Variants in MTUS2 observed in about 807,000 individuals in gnomAD.
The protein encoded by MTUS2 is microtubule associated scaffold protein 2.
A neutral mutation model predicts 114.1 loss-of-function variants in MTUS2; 40 were observed. The ratio of observed to expected loss-of-function variants is 0.35; its 90% CI spans 0.27 to 0.46. The LOEUF is 0.46. MTUS2 is among the 20% of genes least tolerant of loss of function. The pLI is 1.00. For synonymous variants in MTUS2, 688 were observed against 672.0 expected (o/e 1.02, Z -0.37); for missense variants, 1,679 against 1,705.4 (o/e 0.98, Z 0.27).
rs150747238 is a variant in MTUS2 at position 28,850,852 on chromosome 13, T to C, written c.-243+11002T>C. The stretch of plus-strand genomic sequence containing the variant: ...TACAATCACTTGTTTTCTATTCATA[T>C]GAGATCATTGGGTAGAGAAAATTTA... On this transcript the variant is annotated intron_variant, in intron 2 of 15. Transcript: ENST00000612955. 5.0e-3 allele frequency among the ~76,000 whole-genome samples: 758 copies of C among 152,316 alleles called. 8 individuals are homozygous for C. Among genetic ancestry groups the C allele is most frequent in the Middle Eastern group, 6.8e-3 (2 of 294 alleles).
chr13:29,405,613 A>G (rs1258721912), intron 8 of MTUS2, among the ~76,000 whole-genome samples: 1 of 152,164 alleles, frequency 6.6e-6, no homozygotes, highest in Non-Finnish European at 1.5e-5. Context: ...CACGTTTGCC[A>G]TGGCAGTGGG....
chr13:29,088,009 A>C (rs940382153), intron 4 of MTUS2, among the ~76,000 whole-genome samples: 1 of 149,418 alleles, frequency 6.7e-6, no homozygotes, highest in Non-Finnish European at 1.5e-5. Flanking sequence ...CAGTGGGCTG[A>C]GATCATGCCA....
intron 8 of MTUS2, among the ~76,000 whole-genome samples, chr13:29,435,754 G>A (rs1877357069): frequency 6.6e-6 from 1 of 152,220 alleles, no homozygotes; most frequent in African/African-American, 2.4e-5. Context: ...ACTTTATGCA[G>A]AGGATTCATA....
At position 29,497,222 on chromosome 13, in the gene MTUS2, G is replaced by T; in HGVS notation, c.3580-16G>T. ...TGTAGTGGCCCCAGCTGGACTCCTTGTATCATTACTTGCAGGACCAGGTGG... is the reference window on the plus strand; with the variant it reads ...TGTAGTGGCCCCAGCTGGACTCCTTTTATCATTACTTGCAGGACCAGGTGG... On this transcript the variant is annotated splice_polypyrimidine_tract_variant and intron_variant, in intron 12 of 15. Transcript: ENST00000612955. The T allele has an allele frequency of 1.9e-6, 3 of 1,610,396 alleles. No homozygotes were observed. Among genetic ancestry groups the T allele is most frequent in the Non-Finnish European group, 2.5e-6 (3 of 1,178,312 alleles).
intron 5 of MTUS2, among the ~76,000 whole-genome samples, chr13:29,205,604 T>C (rs1593601166): frequency 6.6e-6 from 1 of 152,222 alleles, no homozygotes; most frequent in African/African-American, 2.4e-5. Context: ...TGTATCATTC[T>C]TATGCCTTTG....
Position 28,885,419 on chromosome 13 carries a change from C to T in MTUS2, c.-243+45569C>T, listed in dbSNP as rs950195901. On this transcript the variant is annotated intron_variant, in intron 2 of 15. Coordinates refer to ENST00000612955, the MANE Select transcript of MTUS2 (RefSeq NM_001033602.4). The stretch of plus-strand genomic sequence containing the variant: ...CTGCAACTACTGTTGTACTTTTATA[C>T]GTGCCTTATTTAGGGGGATTAAGTG... Among the ~76,000 whole-genome samples the T allele has an allele frequency of 2.6e-5, 4 of 152,244 alleles. No individual in the cohort carries two copies. The South Asian group carries it at 6.2e-4, about 24-fold the overall frequency.
intron 7 of MTUS2, among the ~76,000 whole-genome samples, chr13:29,340,051 G>C (rs2138112189): frequency 6.6e-6 from 1 of 152,360 alleles, no homozygotes; most frequent in East Asian, 1.9e-4. Flanking sequence ...TTGGAATCAG[G>C]ACGCCAGAAA....
Position 29,295,414 on chromosome 13 carries a change from A to G in MTUS2, c.2806+13549A>G, listed in dbSNP as rs1593271867. On this transcript the variant is annotated intron_variant, in intron 6 of 15. Coordinates refer to ENST00000612955, the MANE Select transcript of MTUS2 (RefSeq NM_001033602.4). ...CGTATCCATTAACCAACTTCTTCCT[A>G]TACTCCCCTACCCCCTACCTTCCCC... Among the ~76,000 whole-genome samples, 8 of 152,208 alleles carry G rather than the reference A, an allele frequency of 5.3e-5. No individual in the cohort carries two copies. The South Asian group carries it at 1.7e-3, about 32-fold the overall frequency.
At chr13:29,155,783 A>G (rs1320987075) in intron 5 of MTUS2, among the ~76,000 whole-genome samples, 3 of 152,188 alleles carry the variant, frequency 2.0e-5, no homozygotes, top group African/African-American at 4.8e-5. Flanking sequence ...GTATATATAC[A>G]TGTATACTCA....
intron 2 of MTUS2, among the ~76,000 whole-genome samples, chr13:28,908,303 C>T (rs1243364249): frequency 6.6e-6 from 1 of 151,436 alleles, no homozygotes; most frequent in Non-Finnish European, 1.5e-5. Context: ...CCCCCAACCC[C>T]ACAACAGGCC....
In MTUS2 at chr13:29,283,345, C is replaced by G. The variant is rs547368112; in HGVS notation, c.2806+1480C>G. ...GGTGGTGACTGTGTCTGTTTTAACACAGCATCCTCATTGCCTGCCACAGTG... is the reference window on the plus strand; with the variant it reads ...GGTGGTGACTGTGTCTGTTTTAACAGAGCATCCTCATTGCCTGCCACAGTG... On this transcript the variant is annotated intron_variant, in intron 6 of 15. Transcript: ENST00000612955. Among the ~76,000 whole-genome samples the G allele has an allele frequency of 5.9e-5, 9 of 152,272 alleles. No homozygotes were observed. The South Asian group carries it at 1.2e-3, about 21-fold the overall frequency.
intron 5 of MTUS2, among the ~76,000 whole-genome samples, chr13:29,281,097 G>A (rs572433530): frequency 6.0e-4 from 92 of 152,116 alleles, no homozygotes; most frequent in Non-Finnish European, 1.1e-3. Context: ...AGTTTGGTGA[G>A]GCCTCAGCTT....
Position 29,281,862 on chromosome 13 carries a change from G to T in MTUS2, c.2803G>T (p.Ala935Ser), listed in dbSNP as rs377003171. Residue 935 changes from alanine (A) to serine (S), a missense_variant, in exon 6 of 16, where the codon GCT (alanine) becomes TCT (serine). Physicochemically the swap from Ala to Ser is moderately conservative, Grantham distance 99 (BLOSUM62 1). Transcript: ENST00000612955. ...LPAPKSTSTP[A>S]GTKKDAQKDQ... ...AGCGCCAAAATCCACTTCCACACCC[G>T]CTGGTAAGACTTTGTGCCTTGGAGA... 11 of 1,592,756 alleles carry T rather than the reference G, an allele frequency of 6.9e-6. No individual in the cohort carries two copies. The highest frequency in any genetic ancestry group is 4.0e-5 in the African/African-American group (3 of 74,420).
intron 2 of MTUS2, among the ~76,000 whole-genome samples, chr13:28,956,817 A>G (rs1883090353): frequency 6.6e-6 from 1 of 152,040 alleles, no homozygotes; most frequent in South Asian, 2.1e-4. Flanking sequence ...GCTGGCGGAA[A>G]GGAAGTGTGG....
At chr13:29,039,364 G>A (rs1413780138) in intron 4 of MTUS2, among the ~76,000 whole-genome samples, 1 of 152,232 alleles carries the variant, frequency 6.6e-6, no homozygotes, top group Admixed American at 6.5e-5. Context: ...TTGGAATCAG[G>A]ACGCCAGAAA....
chr13:28,882,390 A>G (rs1340991575), intron 2 of MTUS2, among the ~76,000 whole-genome samples: 1 of 151,990 alleles, frequency 6.6e-6, no homozygotes, highest in African/African-American at 2.4e-5. Context: ...ATGTAAGACA[A>G]TGTCTTAGAT....
chr13:29,479,999 A>G, intron 9 of MTUS2, 151 bp from the exon 10 acceptor site: 1 of 701,620 alleles, frequency 1.4e-6, no homozygotes, highest in Non-Finnish European at 2.3e-6. Flanking sequence ...GGTGGAAAGG[A>G]AAGCACTTTA....
chr13:29,128,761 G>T (rs1355411117), intron 5 of MTUS2, among the ~76,000 whole-genome samples: 1 of 152,044 alleles, frequency 6.6e-6, no homozygotes, highest in African/African-American at 2.4e-5. Flanking sequence ...TAAAAAAAAT[G>T]CCAGGTTGCC....
chr13:29,313,939 C>G (rs1217381315), intron 6 of MTUS2, among the ~76,000 whole-genome samples: 1 of 152,018 alleles, frequency 6.6e-6, no homozygotes, highest in Non-Finnish European at 1.5e-5. Flanking sequence ...CCATGTGCCA[C>G]GTTAAAATTC....
Sources: allele counts gnomAD v4.1 joint callset (sites outside exome capture counted in the v4.1 genomes callset), GRCh38; gene constraint gnomAD v4.1.1; transcripts MANE v1.5; gene names NCBI Gene and HGNC (gene_info 2026-07-23, HGNC 2026-07-21).